The following SLC8B1 variants were observed in gnomAD, a reference collection of about 807,000 sequenced individuals.
SLC8B1 encodes mitochondrial sodium/calcium exchanger protein.
Under a neutral mutation model 63.4 loss-of-function variants are expected in SLC8B1, and 52 were observed. That is an observed-to-expected ratio of 0.82 (90% CI 0.66 to 1.03). SLC8B1 has a LOEUF of 1.03. Among genes scored for constraint, SLC8B1 ranks in the 50% least tolerant of loss-of-function variants. The probability of loss-of-function intolerance (pLI) is 0.00; values close to 1 mark genes in which losing one functional copy is unlikely to be tolerated. For missense variants in SLC8B1, 657 were observed against 741.7 expected (o/e 0.89, Z 1.33); for synonymous variants, 336 against 323.9 (o/e 1.04, Z -0.40).
intron 7 of SLC8B1, chr12:113,319,358 C>CTGT: frequency 3.1e-6 from 1 of 317,544 alleles, no homozygotes; most frequent in South Asian, 3.0e-5. Context: ...TGCTCTGTGC[C>CTGT]CTGGGAGGAG....
rs1957076627 is a variant in SLC8B1 at position 113,332,910 on chromosome 12, A to C, written c.-32T>G. On this transcript the variant is annotated 5_prime_UTR_variant, in exon 2 of 16. Coordinates refer to ENST00000680972, the MANE Select transcript of SLC8B1 (RefSeq NM_001358345.2). ...CCACGGGGCCTGGCCCTTACTCTCC[A>C]CTTCCCTTTCTGCAGTAGCTCAGTT... 2 of 1,607,476 alleles carry C rather than the reference A, an allele frequency of 1.2e-6. No individual in the cohort carries two copies. Among genetic ancestry groups the C allele is most frequent in the South Asian group, 2.2e-5 (2 of 90,630 alleles).
At chr12:113,334,065 C>T (rs1294241270) in intron 1 of SLC8B1, among the ~76,000 whole-genome samples, 1 of 152,164 alleles carries the variant, frequency 6.6e-6, no homozygotes, top group Admixed American at 6.5e-5. Context: ...GAGCCCACAG[C>T]CCCTCCGACA....
intron 7 of SLC8B1, among the ~76,000 whole-genome samples, chr12:113,319,479 C>T (rs943116563): frequency 1.3e-5 from 2 of 152,118 alleles, no homozygotes; most frequent in Admixed American, 6.5e-5. Flanking sequence ...CTCCCTGTTG[C>T]GTGTCTCTGG....
intron 2 of SLC8B1, among the ~76,000 whole-genome samples, chr12:113,324,398 C>A (rs1239343709): frequency 1.4e-5 from 2 of 146,080 alleles, no homozygotes; most frequent in South Asian, 2.2e-4. Context: ...CCACTCAGCT[C>A]TACCTTTTTT....
chr12:113,335,058 G>C lies in SLC8B1; in HGVS notation c.-698C>G, dbSNP rs1957111125. On this transcript the variant is annotated 5_prime_UTR_variant, in exon 1 of 16. Transcript: ENST00000680972. Reference sequence around the variant, plus strand: ...CTCGCAGGGCCTCGCAGCCTTCCAGGTCCCTGGCCGCCGGACCGACCTTGC... The same window carrying C: ...CTCGCAGGGCCTCGCAGCCTTCCAGCTCCCTGGCCGCCGGACCGACCTTGC... 6.6e-6 allele frequency: 1 copy of C among 152,394 alleles called. No individual in the cohort carries two copies. Among genetic ancestry groups the C allele is most frequent in the Non-Finnish European group, 1.5e-5 (1 of 68,166 alleles). The allele number at this position is 152,394 out of a possible 1,614,324, so 9.4% of individuals were successfully genotyped here. A position where few individuals can be genotyped will look rare whatever the true frequency, so the allele number is the denominator to read the frequency against.
At chr12:113,304,137 C>T (rs1337034472) in intron 15 of SLC8B1, among the ~76,000 whole-genome samples, 184 bp downstream of exon 15, 1 of 152,142 alleles carries the variant, frequency 6.6e-6, no homozygotes, top group Admixed American at 6.5e-5. Flanking sequence ...GCCTCAGTCT[C>T]CCAAAGTGCT....
At chr12:113,313,807 G>A (rs993208895) in intron 11 of SLC8B1, among the ~76,000 whole-genome samples, 1 of 151,832 alleles carries the variant, frequency 6.6e-6, no homozygotes, top group Non-Finnish European at 1.5e-5. Context: ...GATGGTCTGT[G>A]AATGACTGAT....
chr12:113,324,338 A>C (rs550953182), intron 2 of SLC8B1, among the ~76,000 whole-genome samples: 105 of 151,542 alleles, frequency 6.9e-4, no homozygotes, highest in African/African-American at 2.3e-3. Flanking sequence ...CAAAAAAAAA[A>C]ACTTTTCTTT....
At chr12:113,328,225 C>T (rs1289593246) in intron 2 of SLC8B1, among the ~76,000 whole-genome samples, 1 of 152,046 alleles carries the variant, frequency 6.6e-6, no homozygotes, top group African/African-American at 2.4e-5. Flanking sequence ...GAAGGGGTCT[C>T]GCCTTGTTGG....
chr12:113,300,350 T>G (rs1418292337), intron 15 of SLC8B1, among the ~76,000 whole-genome samples: 1 of 151,936 alleles, frequency 6.6e-6, no homozygotes, highest in Non-Finnish European at 1.5e-5. Flanking sequence ...ATACAAAAAT[T>G]AGCCAGACAT....
intron 15 of SLC8B1, among the ~76,000 whole-genome samples, chr12:113,303,141 A>ACACACACACACACACACACACACG (rs773636454): frequency 4.8e-5 from 7 of 145,638 alleles, no homozygotes; most frequent in African/African-American, 1.8e-4. Context: ...ACACACACAC[A>ACACACACACACACACACACACACG]CGCGCGCGCA....
intron 15 of SLC8B1, among the ~76,000 whole-genome samples, 178 bp downstream of exon 15, chr12:113,304,143 G>A (rs1442221255): frequency 6.6e-6 from 1 of 152,136 alleles, no homozygotes; most frequent in African/African-American, 2.4e-5. Context: ...GTCTCCCAAA[G>A]TGCTGGGATT....
intron 8 of SLC8B1, among the ~76,000 whole-genome samples, chr12:113,318,461 T>C (rs538829038): frequency 6.6e-6 from 1 of 152,132 alleles, no homozygotes; most frequent in Non-Finnish European, 1.5e-5. Context: ...GTTGTATGTG[T>C]GCATGTATTT....
chr12:113,328,426 C>A (rs763129256), intron 2 of SLC8B1, among the ~76,000 whole-genome samples: 1 of 152,132 alleles, frequency 6.6e-6, no homozygotes, highest in Non-Finnish European at 1.5e-5. Context: ...TGGCCTCCTA[C>A]CCCCAATCTT....
At chr12:113,313,998 A>G (rs1189674191) in intron 11 of SLC8B1, among the ~76,000 whole-genome samples, 1 of 152,158 alleles carries the variant, frequency 6.6e-6, no homozygotes, top group Non-Finnish European at 1.5e-5. Flanking sequence ...TGACAGTCAG[A>G]CTACGTCTCA....
At position 113,304,618 on chromosome 12, in the gene SLC8B1, CA is replaced by C. The variant is rs937272602; in HGVS notation, c.1493-234del. On this transcript the variant is annotated intron_variant, in intron 14 of 15. Transcript: ENST00000680972. ...CTTGGCAACAGAGTGAGACCCGTCT[CA>C]AAAAAAAAATTTGGTGGGGGTTGGA... Among the ~76,000 whole-genome samples the C allele has an allele frequency of 5.4e-3, 806 of 150,166 alleles. 9 individuals are homozygous for C. Among genetic ancestry groups the C allele is most frequent in the African/African-American group, 0.018 (758 of 41,030 alleles).
chr12:113,332,756 T>C lies in SLC8B1; in HGVS notation c.123A>G (p.Pro41=), dbSNP rs1356794780. 1.2e-6 allele frequency: 2 copies of C among 1,614,116 alleles called. No individual in the cohort carries two copies. Among genetic ancestry groups the C allele is most frequent in the South Asian group, 1.1e-5 (1 of 91,084 alleles). ...CGGGGGTCTGGTTCACACCTGAAGC[T>C]GGAAACTGGGGGCTAATGTGAGCTC... ...STGAHISPQF[P]ASGVNQTPVV... The change falls in exon 2 of 16, where the codon CCA becomes CCG. Residue 41 remains proline, a synonymous_variant. Coordinates refer to ENST00000680972, the MANE Select transcript of SLC8B1 (RefSeq NM_001358345.2).
intron 13 of SLC8B1, 166 bp from the exon 14 acceptor site, chr12:113,306,741 T>A: frequency 1.7e-6 from 1 of 599,716 alleles, no homozygotes; most frequent in Non-Finnish European, 3.0e-6. Flanking sequence ...GGGCACAGCA[T>A]CTGGGAAGAC....
Position 113,317,052 on chromosome 12 carries a change from G to C in SLC8B1, c.803-51C>G, listed in dbSNP as rs746965290. 8 of 1,532,900 alleles carry C rather than the reference G, an allele frequency of 5.2e-6. No homozygotes were observed. The East Asian group carries it at 6.8e-5, about 13-fold the overall frequency. The allele number at this position is 1,532,900 out of a possible 1,614,324, so 95.0% of individuals were successfully genotyped here. A position where few individuals can be genotyped will look rare whatever the true frequency, so the allele number is the denominator to read the frequency against. Reference sequence around the variant, plus strand: ...ACAGAACCCAGACCATTTTCGAGGGGGCACACTGGGACAGAGCAGGTTTAG... The same window carrying C: ...ACAGAACCCAGACCATTTTCGAGGGCGCACACTGGGACAGAGCAGGTTTAG... On this transcript the variant is annotated intron_variant, in intron 8 of 15. Coordinates refer to ENST00000680972, the MANE Select transcript of SLC8B1 (RefSeq NM_001358345.2).
Sources: allele counts gnomAD v4.1 joint callset (sites outside exome capture counted in the v4.1 genomes callset), GRCh38; gene constraint gnomAD v4.1.1; transcripts MANE v1.5; gene names NCBI Gene and HGNC (gene_info 2026-07-23, HGNC 2026-07-21).